NOMO2: variants seen among roughly 807,000 people sequenced by gnomAD.
NOMO2 encodes BOS complex subunit NOMO2.
A neutral mutation model predicts 67.1 loss-of-function variants in NOMO2; 14 were observed. The observed-to-expected ratio is 0.21, with a 90% CI of 0.14 to 0.33. NOMO2 has a LOEUF of 0.33. NOMO2 is among the 10% of genes least tolerant of loss of function. The pLI is 1.00. For missense variants in NOMO2, 178 were observed against 761.0 expected, an observed-to-expected ratio of 0.23 and a Z score of 9.01; for synonymous variants, 80 against 305.9, an observed-to-expected ratio of 0.26 and a Z score of 7.71.
At position 18,536,949 on chromosome 16, in the gene NOMO2, C is replaced by G. The variant is rs555560012; in HGVS notation, c.1220+1577G>C. 2.1e-3 allele frequency among the ~76,000 whole-genome samples: 321 copies of G among 152,098 alleles called. 2 individuals carry two copies. Among genetic ancestry groups the G allele is most frequent in the Non-Finnish European group, 4.0e-3 (272 of 67,978 alleles). On this transcript the variant is annotated intron_variant, in intron 11 of 30. Transcript: ENST00000622306. ...AGCCAGGGGACTGTGTTCACCAGGG[C>G]CCAGCTCCCTGCACCTCCCTGTTGG...
intron 14 of NOMO2, 109 bp from the exon 15 acceptor site, chr16:18,529,746 G>GTATCTT: frequency 6.8e-6 from 5 of 732,646 alleles, no homozygotes; most frequent in Non-Finnish European, 1.1e-5. Context: ...AAGCAGGTGT[G>GTATCTT]TATGTAGACA....
rs570705924 is a variant in NOMO2, at chr16:18,558,071, G to A, written c.166-280C>T. Among the ~76,000 whole-genome samples, 46 of 150,792 alleles carry A rather than the reference G, an allele frequency of 3.1e-4. No homozygotes were observed. The East Asian group carries it at 6.4e-3, about 21-fold the overall frequency. On this transcript the variant is annotated intron_variant, in intron 1 of 30. Transcript: ENST00000622306. ...TTTAGTGGCTGTCTCTAGGTTGCTC[G>A]TGTAAGTTTCCGGGTCTAAAACAAA...
At chr16:18,557,577 C>T (rs1432411097) in intron 2 of NOMO2, 125 bp downstream of exon 2, 1 of 1,596,538 alleles carries the variant, frequency 6.3e-7, no homozygotes, top group African/African-American at 1.3e-5. Flanking sequence ...CTAGGATTAT[C>T]ATATTCCACT....
At chr16:18,559,318 C>CT (rs1596864406) in intron 1 of NOMO2, among the ~76,000 whole-genome samples, 1 of 151,956 alleles carries the variant, frequency 6.6e-6, no homozygotes, top group East Asian at 1.9e-4. Context: ...CTCAACCACT[C>CT]TGAGGCTCAG....
intron 9 of NOMO2, among the ~76,000 whole-genome samples, chr16:18,539,630 G>A (rs377147824): frequency 0.046 from 6,940 of 151,898 alleles, 222 homozygotes; most frequent in Non-Finnish European, 0.07. Flanking sequence ...GGTGGCAGGC[G>A]CCTGTAATCC....
intron 15 of NOMO2, among the ~76,000 whole-genome samples, chr16:18,528,839 G>A (rs1456601936): frequency 2.7e-5 from 4 of 149,786 alleles, no homozygotes; most frequent in Admixed American, 1.3e-4. Context: ...ATGGCGGCAC[G>A]CACCTCTAGT....
chr16:18,543,523 T>C, intron 7 of NOMO2, 94 bp downstream of exon 7: 1 of 1,593,236 alleles, frequency 6.3e-7, no homozygotes, highest in African/African-American at 1.3e-5. Flanking sequence ...ATAAATCAAC[T>C]CAGACCTGCA....
intron 5 of NOMO2, among the ~76,000 whole-genome samples, chr16:18,547,652 C>T (rs1388801031): frequency 4.6e-5 from 7 of 151,776 alleles, no homozygotes; most frequent in African/African-American, 1.7e-4. Flanking sequence ...CAGGCATGAA[C>T]TGACAAGGAG....
intron 15 of NOMO2, among the ~76,000 whole-genome samples, chr16:18,528,584 C>T (rs1901204447): frequency 6.6e-6 from 1 of 151,910 alleles, no homozygotes; most frequent in Non-Finnish European, 1.5e-5. Context: ...TTTCACACTG[C>T]CTTTCAGGCC....
chr16:18,553,937 G>A (rs1489516491), intron 3 of NOMO2, among the ~76,000 whole-genome samples: 2 of 144,702 alleles, frequency 1.4e-5, no homozygotes, highest in Non-Finnish European at 1.5e-5. Context: ...TCTAATGCAC[G>A]AGCAAGCCTG....
intron 3 of NOMO2, among the ~76,000 whole-genome samples, chr16:18,552,988 T>C (rs1216479167): frequency 6.6e-6 from 1 of 151,940 alleles, no homozygotes; most frequent in Non-Finnish European, 1.5e-5. Flanking sequence ...AAAATATAAA[T>C]ATAGGCCAGG....
intron 1 of NOMO2, among the ~76,000 whole-genome samples, chr16:18,559,896 T>TA (rs1901998456): frequency 6.6e-6 from 1 of 151,860 alleles, no homozygotes; most frequent in Admixed American, 6.6e-5. Flanking sequence ...AGGTCCCTGT[T>TA]AGAGAACAAA....
At chr16:18,544,784 A>G (rs1747609402) in intron 6 of NOMO2, among the ~76,000 whole-genome samples, 1 of 151,552 alleles carries the variant, frequency 6.6e-6, no homozygotes. Flanking sequence ...ATTTTTAAAC[A>G]TTTTTGTTAA....
intron 7 of NOMO2, among the ~76,000 whole-genome samples, chr16:18,543,095 C>T (rs1448667715): frequency 8.4e-5 from 11 of 130,978 alleles, no homozygotes; most frequent in Non-Finnish European, 1.6e-4. Flanking sequence ...GATTTCAAAG[C>T]CTGTGTACTT....
At chr16:18,553,007 CTCTTGCCTATAA>C (rs1330079262) in intron 3 of NOMO2, among the ~76,000 whole-genome samples, 6 of 151,950 alleles carry the variant, frequency 3.9e-5, no homozygotes, top group Admixed American at 3.9e-4. Flanking sequence ...GGCGTGGTGG[CTCTTGCCTATAA>C]TCCCCACACT....
At chr16:18,539,653 A>T (rs2141733448) in intron 9 of NOMO2, among the ~76,000 whole-genome samples, 1 of 151,908 alleles carries the variant, frequency 6.6e-6, no homozygotes, top group East Asian at 1.9e-4. Flanking sequence ...GCTACTCGGG[A>T]GGCTGAGGCA....
chr16:18,548,375 G>T (rs1901699095), intron 5 of NOMO2, among the ~76,000 whole-genome samples: 1 of 151,612 alleles, frequency 6.6e-6, no homozygotes, highest in Admixed American at 6.6e-5. Context: ...ATGAAAACTA[G>T]TTTCAACAAT....
At chr16:18,543,167 C>A (rs1277928680) in intron 7 of NOMO2, among the ~76,000 whole-genome samples, 1 of 143,376 alleles carries the variant, frequency 7.0e-6, no homozygotes, top group Non-Finnish European at 1.5e-5. Context: ...AACAGAGACA[C>A]ATGATATTCT....
In NOMO2 at chr16:18,561,881, T is replaced by C; in HGVS notation, c.160A>G (p.Ile54Val). 3.2e-6 allele frequency: 5 copies of C among 1,560,854 alleles called. No homozygotes were observed. The highest frequency in any genetic ancestry group is 3.5e-6 in the Non-Finnish European group (4 of 1,155,350). ...KSDVEINYSL[I>V]EIKLYTKHGT... ...GCGGCGGGGCGGGCGCTCACCTCGATGAGCGAGTAGTTGATCTCCACGTCC... is the reference window on the plus strand; with the variant it reads ...GCGGCGGGGCGGGCGCTCACCTCGACGAGCGAGTAGTTGATCTCCACGTCC... Residue 54 changes from isoleucine to valine, a missense_variant, in exon 1 of 31, where the codon ATC becomes GTC. Ile to Val is a conservative substitution (Grantham distance 29, BLOSUM62 3). Transcript: ENST00000622306.
Sources: gnomAD v4.1 joint callset for allele counts (sites outside exome capture counted in the v4.1 genomes callset) on GRCh38, gnomAD v4.1.1 for gene constraint, MANE v1.5 for transcripts, NCBI Gene and HGNC (gene_info 2026-07-23, HGNC 2026-07-21) for gene names.